Variants in ADAMTSL1 observed in about 807,000 individuals in gnomAD.
ADAMTSL1 encodes ADAMTS-like protein 1.
In ADAMTSL1, 126 loss-of-function variants were observed where a neutral mutation model predicts 201.8. The observed-to-expected ratio is 0.62, with a 90% CI of 0.54 to 0.72. The LOEUF is 0.72. Ranked by LOEUF, ADAMTSL1 falls within the 30% of genes least tolerant of loss-of-function variation. The pLI, the probability that ADAMTSL1 is intolerant of heterozygous loss-of-function variation, is 0.00. For synonymous variants in ADAMTSL1, 1,121 were observed against 903.4 expected (o/e 1.24, Z -4.32); for missense variants, 2,679 against 2,277.8 (o/e 1.18, Z -3.59).
chr9:17,980,614 G>A (rs915109392), intron 1 of ADAMTSL1, among the ~76,000 whole-genome samples: 1 of 151,944 alleles, frequency 6.6e-6, no homozygotes, highest in Non-Finnish European at 1.5e-5. Context: ...TTGGGAGGTG[G>A]GGTTTTTGGG....
Position 18,906,913 on chromosome 9 carries a change from G to C in ADAMTSL1, c.5182+1G>C. The C allele has an allele frequency of 1.2e-6, 2 of 1,613,916 alleles. No individual in the cohort carries two copies. The highest frequency in any genetic ancestry group is 1.7e-6 in the Non-Finnish European group (2 of 1,179,832). On this transcript the variant is annotated splice_donor_variant, in intron 28 of 28. Coordinates refer to ENST00000380548, the MANE Select transcript of ADAMTSL1 (RefSeq NM_001040272.6). LOFTEE classifies it high-confidence loss of function. ...TGCAACATCACCCCATGTGAAAACAGTATGTTCCAACCCCAAAGAACCTTC... is the reference window on the plus strand; with the variant it reads ...TGCAACATCACCCCATGTGAAAACACTATGTTCCAACCCCAAAGAACCTTC...
At chr9:17,990,950 G>C (rs572681865) in intron 1 of ADAMTSL1, among the ~76,000 whole-genome samples, 3 of 152,080 alleles carry the variant, frequency 2.0e-5, no homozygotes, top group South Asian at 4.2e-4. Flanking sequence ...TTCTTTTATC[G>C]AATCTCAGTA....
At chr9:18,900,560 A>T (rs990558427) in intron 26 of ADAMTSL1, among the ~76,000 whole-genome samples, 3 of 152,216 alleles carry the variant, frequency 2.0e-5, no homozygotes, top group Admixed American at 2.0e-4. Context: ...GGATAAAGGA[A>T]ATGTGGTACA....
intron 25 of ADAMTSL1, chr9:18,890,831 C>T (rs1255612107): frequency 6.3e-6 from 2 of 316,086 alleles, no homozygotes; most frequent in African/African-American, 2.2e-5. Context: ...TGGAAAACTG[C>T]CCTTGCCAAG....
chr9:18,046,048 C>G (rs10963409), intron 1 of ADAMTSL1, among the ~76,000 whole-genome samples: 2 of 152,022 alleles, frequency 1.3e-5, no homozygotes, highest in Admixed American at 6.6e-5. Flanking sequence ...TTGTCTTGTT[C>G]CTGGATGATA....
At chr9:18,098,024 C>G (rs1239325854) in intron 1 of ADAMTSL1, among the ~76,000 whole-genome samples, 2 of 151,796 alleles carry the variant, frequency 1.3e-5, no homozygotes, top group African/African-American at 4.8e-5. Flanking sequence ...AATTGGAGAT[C>G]AAGGCTTATT....
At chr9:18,532,532 A>G (rs2132102776) in intron 2 of ADAMTSL1, among the ~76,000 whole-genome samples, 1 of 152,190 alleles carries the variant, frequency 6.6e-6, no homozygotes, top group African/African-American at 2.4e-5. Flanking sequence ...TAGCTCTCAA[A>G]ATGGTGTTTT....
chr9:18,290,780 TG>T lies in ADAMTSL1; in HGVS notation c.207+126800del, dbSNP rs1319817674. 6.6e-4 allele frequency among the ~76,000 whole-genome samples: 38 copies of T among 57,822 alleles called. 1 individual carries two copies. In the East Asian group the frequency reaches 0.012, roughly 18 times the overall value. 37.9% of individuals were successfully genotyped at this position (57,822 alleles called of 152,430 possible). A position where few individuals can be genotyped will look rare whatever the true frequency, so the allele number is the denominator to read the frequency against. ...GGGTTGAAAGCTGGCTTTTTTTGTG[TG>T]TTTTTTTTTTTTTTTTTTGAGGCAG... On this transcript the variant is annotated intron_variant, in intron 2 of 29. Coordinates refer to the ADAMTSL1 transcript ENST00000680146.
Position 18,427,647 on chromosome 9 carries a change from A to T in ADAMTSL1, c.208-77182A>T, listed in dbSNP as rs111386011. Among the ~76,000 whole-genome samples, 174 of 152,358 alleles carry T rather than the reference A, an allele frequency of 1.1e-3. 2 individuals carry two copies. The highest frequency in any genetic ancestry group is 9.5e-3 in the South Asian group (46 of 4,830). Reference sequence around the variant, plus strand: ...GCCCACATTTTTCTCTTGCTCTCTTAAACTCTCAGGAGATTTTCTTGCTGA... The same window carrying T: ...GCCCACATTTTTCTCTTGCTCTCTTTAACTCTCAGGAGATTTTCTTGCTGA... On this transcript the variant is annotated intron_variant, in intron 2 of 29. Transcript: ENST00000680146.
At chr9:18,781,751 T>C (rs535721088) in intron 19 of ADAMTSL1, among the ~76,000 whole-genome samples, 2 of 152,246 alleles carry the variant, frequency 1.3e-5, no homozygotes, top group Non-Finnish European at 2.9e-5. Flanking sequence ...ATCTGCAAGA[T>C]TCAGCTGTGT....
chr9:17,967,382 T>C (rs998074502), intron 1 of ADAMTSL1, among the ~76,000 whole-genome samples: 2 of 152,170 alleles, frequency 1.3e-5, no homozygotes, highest in African/African-American at 2.4e-5. Context: ...ACTATTCTTA[T>C]GTTCTTTAGA....
In ADAMTSL1 at chr9:18,908,640, T is replaced by C. The variant is rs1830443230; in HGVS notation, c.*92T>C. ...ACCTAAGCTTTCTTCATTTTATTTA[T>C]TTATTTCCCCCTCCCCACTCCACAC... On this transcript the variant is annotated 3_prime_UTR_variant, in exon 29 of 29. Transcript: ENST00000380548. 9.5e-7 allele frequency: 1 copy of C among 1,055,654 alleles called. No individual in the cohort carries two copies. The highest frequency in any genetic ancestry group is 1.4e-6 in the Non-Finnish European group (1 of 730,824). 65.4% of individuals were successfully genotyped at this position (1,055,654 alleles called of 1,614,324 possible). A position where few individuals can be genotyped will look rare whatever the true frequency, so the allele number is the denominator to read the frequency against.
intron 1 of ADAMTSL1, among the ~76,000 whole-genome samples, chr9:18,086,061 G>A (rs1013145887): frequency 2.6e-5 from 4 of 152,044 alleles, no homozygotes; most frequent in East Asian, 1.9e-4. Context: ...AGCAGCTAGC[G>A]GGCTGGCACT....
chr9:18,596,784 A>G (rs1824290865), intron 4 of ADAMTSL1, among the ~76,000 whole-genome samples: 1 of 152,200 alleles, frequency 6.6e-6, no homozygotes, highest in South Asian at 2.1e-4. Flanking sequence ...CCAGAAATGC[A>G]ACTATGAGTA....
At chr9:18,426,902 G>C (rs956698981) in intron 2 of ADAMTSL1, among the ~76,000 whole-genome samples, 1 of 152,126 alleles carries the variant, frequency 6.6e-6, no homozygotes, top group African/African-American at 2.4e-5. Context: ...AATGAAAGCT[G>C]TTCCTTAATG....
intron 7 of ADAMTSL1, among the ~76,000 whole-genome samples, chr9:18,648,860 T>A (rs1218681079): frequency 6.6e-6 from 1 of 152,172 alleles, no homozygotes; most frequent in Non-Finnish European, 1.5e-5. Flanking sequence ...CTGACAATTA[T>A]GTGTCTTGGA....
intron 2 of ADAMTSL1, among the ~76,000 whole-genome samples, chr9:18,263,756 G>C (rs1035551284): frequency 4.6e-5 from 7 of 152,160 alleles, no homozygotes; most frequent in South Asian, 2.1e-4. Context: ...CTTATAGAAA[G>C]AGACTCGAGA....
intron 14 of ADAMTSL1, among the ~76,000 whole-genome samples, chr9:18,716,085 T>C (rs1832911941): frequency 1.3e-5 from 2 of 150,870 alleles, no homozygotes; most frequent in Non-Finnish European, 3.0e-5. Context: ...CAAAAATCAA[T>C]TCAAGATGGA....
intron 1 of ADAMTSL1, among the ~76,000 whole-genome samples, chr9:17,953,585 G>T (rs1417486621): frequency 2.0e-5 from 3 of 152,136 alleles, no homozygotes; most frequent in Non-Finnish European, 4.4e-5. Context: ...TATGGGACTG[G>T]TTTAATACTC....
Sources: gnomAD v4.1 joint callset for allele counts (sites outside exome capture counted in the v4.1 genomes callset) on GRCh38, gnomAD v4.1.1 for gene constraint, MANE v1.5 for transcripts, NCBI Gene and HGNC (gene_info 2026-07-23, HGNC 2026-07-21) for gene names.